The following PLXDC1 variants were observed in gnomAD, a reference collection of about 807,000 sequenced individuals.
The protein encoded by PLXDC1 is plexin domain-containing protein 1.
A neutral mutation model predicts 61.3 loss-of-function variants in PLXDC1; 39 were observed. The observed-to-expected ratio is 0.64, with a 90% CI of 0.49 to 0.83. The LOEUF (loss-of-function observed/expected upper bound fraction) is 0.83. Among genes scored for constraint, PLXDC1 ranks in the 40% least tolerant of loss-of-function variants. The pLI is 0.00. For missense variants in PLXDC1, 596 were observed against 666.5 expected, an observed-to-expected ratio of 0.89 and a Z score of 1.17; for synonymous variants, 212 against 254.5, an observed-to-expected ratio of 0.83 and a Z score of 1.59.
chr17:39,105,830 T>G lies in PLXDC1; in HGVS notation c.811+24A>C. 3 of 1,518,766 alleles carry G rather than the reference T, an allele frequency of 2.0e-6. No individual in the cohort carries two copies. The South Asian group carries it at 3.4e-5, about 17-fold the overall frequency. The allele number at this position is 1,518,766 out of a possible 1,614,324, so 94.1% of individuals were successfully genotyped here. On this transcript the variant is annotated intron_variant, in intron 7 of 13. Transcript: ENST00000315392. ...GCGGAGTCCTACCCCCATCAAGGCC[T>G]CTGCGGGGTCCCTGAAGACTCACCT...
At chr17:39,141,776 C>T (rs574782340) in intron 1 of PLXDC1, among the ~76,000 whole-genome samples, 3 of 152,236 alleles carry the variant, frequency 2.0e-5, no homozygotes, top group Middle Eastern at 3.4e-3. Context: ...TCCCACCAAC[C>T]GTGCACATGG....
At chr17:39,077,352 A>G (rs1252420897) in intron 11 of PLXDC1, among the ~76,000 whole-genome samples, 1 of 151,844 alleles carries the variant, frequency 6.6e-6, no homozygotes, top group Admixed American at 6.6e-5. Flanking sequence ...TTCAACCAAG[A>G]CCCCCAGGCC....
At chr17:39,091,018 C>T (rs894637151) in intron 7 of PLXDC1, among the ~76,000 whole-genome samples, 4 of 152,208 alleles carry the variant, frequency 2.6e-5, no homozygotes, top group African/African-American at 7.2e-5. Flanking sequence ...ACTCCAGACG[C>T]CCTGTTCCCA....
intron 12 of PLXDC1, 172 bp from the exon 13 acceptor site, chr17:39,070,188 A>C (rs530252938): frequency 1.9e-6 from 1 of 519,814 alleles, no homozygotes; most frequent in South Asian, 3.4e-5. Context: ...TGAGTAAGGC[A>C]TTCATGTTCT....
chr17:39,131,576 C>T (rs150783161), intron 2 of PLXDC1, among the ~76,000 whole-genome samples: 2,243 of 152,158 alleles, frequency 0.015, 50 homozygotes, highest in African/African-American at 0.051. Flanking sequence ...TGGTCTTGAA[C>T]TCCTGACCTC....
At chr17:39,100,103 A>G (rs1910368132) in intron 7 of PLXDC1, among the ~76,000 whole-genome samples, 1 of 152,238 alleles carries the variant, frequency 6.6e-6, no homozygotes, top group South Asian at 2.1e-4. Context: ...GGAGCCAAAG[A>G]AGGCCTCCTT....
intron 6 of PLXDC1, among the ~76,000 whole-genome samples, chr17:39,106,884 T>G (rs984385676): frequency 5.9e-5 from 9 of 151,922 alleles, no homozygotes; most frequent in African/African-American, 1.9e-4. Flanking sequence ...ACTCCTGAGC[T>G]CTGATGATCC....
At chr17:39,127,338 C>T (rs1236046821) in intron 2 of PLXDC1, among the ~76,000 whole-genome samples, 4 of 152,084 alleles carry the variant, frequency 2.6e-5, no homozygotes, top group Non-Finnish European at 5.9e-5. Flanking sequence ...AGAACTAAAG[C>T]CGGGACCATC....
At chr17:39,132,238 C>T (rs1313193148) in intron 2 of PLXDC1, among the ~76,000 whole-genome samples, 1 of 152,140 alleles carries the variant, frequency 6.6e-6, no homozygotes, top group Non-Finnish European at 1.5e-5. Flanking sequence ...GAACCTTTGC[C>T]AAGACCTCCC....
chr17:39,146,040 G>A (rs538269712), intron 1 of PLXDC1, among the ~76,000 whole-genome samples: 123 of 150,720 alleles, frequency 8.2e-4, no homozygotes, highest in African/African-American at 2.8e-3. Context: ...GAGTAATTAA[G>A]CATTAATCAG....
At chr17:39,071,047 G>C (rs1278918705) in intron 12 of PLXDC1, among the ~76,000 whole-genome samples, 1 of 152,190 alleles carries the variant, frequency 6.6e-6, no homozygotes, top group Non-Finnish European at 1.5e-5. Flanking sequence ...GGATGATCTA[G>C]GTCCTCTGGA....
intron 2 of PLXDC1, among the ~76,000 whole-genome samples, chr17:39,116,844 A>G (rs1322796546): frequency 6.6e-6 from 1 of 152,232 alleles, no homozygotes; most frequent in Non-Finnish European, 1.5e-5. Flanking sequence ...CTGAGGCAGC[A>G]TGCTTCCTTG....
At chr17:39,119,834 T>C (rs1385012163) in intron 2 of PLXDC1, among the ~76,000 whole-genome samples, 1 of 152,172 alleles carries the variant, frequency 6.6e-6, no homozygotes, top group Non-Finnish European at 1.5e-5. Flanking sequence ...AACTTTTCCC[T>C]GGCAACACAT....
chr17:39,127,105 T>C (rs541405412), intron 2 of PLXDC1: 12 of 152,310 alleles, frequency 7.9e-5, no homozygotes, highest in African/African-American at 1.2e-4. Flanking sequence ...TCAGGTAAGA[T>C]CTGGGAGGGA....
intron 2 of PLXDC1, among the ~76,000 whole-genome samples, chr17:39,133,622 C>G (rs543233156): frequency 6.6e-6 from 1 of 152,244 alleles, no homozygotes; most frequent in South Asian, 2.1e-4. Context: ...ATGGATCATT[C>G]TTTTCTATTT....
chr17:39,125,501 T>C (rs1911287504), intron 2 of PLXDC1, among the ~76,000 whole-genome samples: 3 of 152,166 alleles, frequency 2.0e-5, no homozygotes, highest in Admixed American at 2.0e-4. Context: ...AATGTGGGCT[T>C]TTTGAGGGAT....
At position 39,067,617 on chromosome 17, in the gene PLXDC1, G is replaced by T; in HGVS notation, c.*223C>A. 1 of 499,632 alleles carries T rather than the reference G, an allele frequency of 2.0e-6. No individual in the cohort carries two copies. The allele number at this position is 499,632 out of a possible 1,614,324, so 30.9% of individuals were successfully genotyped here. ...GAACCCTTGCATCAAAACAGGATGA[G>T]ATTAGGTTGTTGTTCCTATAAAAAA... On this transcript the variant is annotated 3_prime_UTR_variant, in exon 14 of 14. Coordinates refer to ENST00000315392, the MANE Select transcript of PLXDC1 (RefSeq NM_020405.5).
chr17:39,091,444 G>A (rs1016509150), intron 7 of PLXDC1, among the ~76,000 whole-genome samples: 2 of 152,152 alleles, frequency 1.3e-5, no homozygotes, highest in Non-Finnish European at 2.9e-5. Flanking sequence ...ACTGGAGCCG[G>A]ATGGTTTAGA....
At position 39,093,438 on chromosome 17, in the gene PLXDC1, C is replaced by T. The variant is rs936727063; in HGVS notation, c.812-5736G>A. Among the ~76,000 whole-genome samples, 16 of 152,120 alleles carry T rather than the reference C, an allele frequency of 1.1e-4. 1 individual carries two copies. The highest frequency in any genetic ancestry group is 3.1e-4 in the African/African-American group (13 of 41,526). ...AATAAAAACATTTATTTAAAAATTACGGGCACAGTGGCTCATGCCTGTAAT... is the reference window on the plus strand; with the variant it reads ...AATAAAAACATTTATTTAAAAATTATGGGCACAGTGGCTCATGCCTGTAAT... On this transcript the variant is annotated intron_variant, in intron 7 of 13. Coordinates refer to ENST00000315392, the MANE Select transcript of PLXDC1 (RefSeq NM_020405.5).
Sources: gnomAD v4.1 joint callset for allele counts (sites outside exome capture counted in the v4.1 genomes callset) on GRCh38, gnomAD v4.1.1 for gene constraint, MANE v1.5 for transcripts, NCBI Gene and HGNC (gene_info 2026-07-23, HGNC 2026-07-21) for gene names.